The following RBFOX1 variants were observed in gnomAD, a reference collection of about 807,000 sequenced individuals.
RBFOX1 encodes the protein RNA binding protein fox-1 homolog 1.
In RBFOX1, 8 loss-of-function variants were observed where a neutral mutation model predicts 57.7. The observed-to-expected ratio is 0.14, with a 90% CI of 0.08 to 0.25. The LOEUF (loss-of-function observed/expected upper bound fraction) is 0.25, where lower values mean the gene tolerates loss of function less well. Among genes scored for constraint, RBFOX1 ranks in the 10% least tolerant of loss-of-function variants. The pLI is 1.00. For synonymous variants in RBFOX1, 326 were observed against 222.4 expected (o/e 1.47, Z -4.15); for missense variants, 611 against 548.5 (o/e 1.11, Z -1.14).
chr16:6,128,375 C>G (rs2096605227), intron 1 of RBFOX1, among the ~76,000 whole-genome samples: 1 of 152,092 alleles, frequency 6.6e-6, no homozygotes, highest in Admixed American at 6.5e-5. Context: ...CAACTGATAC[C>G]AGGTTGGTCC....
At position 6,724,370 on chromosome 16, in the gene RBFOX1, C is replaced by T. The variant is rs558856451; in HGVS notation, c.-16+69720C>T. Among the ~76,000 whole-genome samples the T allele has an allele frequency of 3.3e-5, 5 of 152,160 alleles. No individual in the cohort carries two copies. In the South Asian group the frequency reaches 8.3e-4, roughly 25 times the overall value. On this transcript the variant is annotated intron_variant, in intron 3 of 15. Transcript: ENST00000550418. The stretch of plus-strand genomic sequence containing the variant: ...GATTACAGGTGCACTCCAGCATGCC[C>T]AGCAAATTTTTATATTTTTAGTAGA...
intron 2 of RBFOX1, among the ~76,000 whole-genome samples, chr16:6,593,825 A>G (rs1349767368): frequency 6.6e-6 from 1 of 152,160 alleles, no homozygotes. Context: ...AGGACTACGG[A>G]TATGGCAATA....
intron 2 of RBFOX1, among the ~76,000 whole-genome samples, chr16:6,324,493 G>C (rs769048718): frequency 2.0e-5 from 3 of 152,154 alleles, no homozygotes; most frequent in Non-Finnish European, 4.4e-5. Flanking sequence ...GAAGGCAAAG[G>C]GGGAGCAGGC....
intron 14 of RBFOX1, among the ~76,000 whole-genome samples, chr16:7,690,841 G>A (rs1214765965): frequency 1.3e-5 from 2 of 152,060 alleles, no homozygotes; most frequent in African/African-American, 4.8e-5. Flanking sequence ...TACATAAAAT[G>A]GCATAACATG....
intron 4 of RBFOX1, among the ~76,000 whole-genome samples, chr16:7,223,874 T>G (rs966601258): frequency 1.3e-5 from 2 of 151,832 alleles, no homozygotes; most frequent in Admixed American, 1.3e-4. Context: ...ATAAATCTGT[T>G]ATGGCTGGTT....
chr16:7,181,273 C>G (rs576956691), intron 4 of RBFOX1, among the ~76,000 whole-genome samples: 6 of 152,210 alleles, frequency 3.9e-5, no homozygotes, highest in Admixed American at 3.9e-4. Flanking sequence ...GAAGGAGTAC[C>G]AGAACTGAAT....
At chr16:6,736,691 G>A (rs551961514) in intron 3 of RBFOX1, among the ~76,000 whole-genome samples, 57 of 152,306 alleles carry the variant, frequency 3.7e-4, no homozygotes, top group Middle Eastern at 3.4e-3. Flanking sequence ...GGGATTGCTG[G>A]ATCAAATGGT....
intron 5 of RBFOX1, among the ~76,000 whole-genome samples, chr16:7,545,693 T>C (rs1049607269): frequency 2.6e-5 from 4 of 152,126 alleles, no homozygotes; most frequent in Non-Finnish European, 5.9e-5. Context: ...TGACTTGATT[T>C]ACCTAAGGCT....
At chr16:6,386,588 A>T (rs1484924784) in intron 2 of RBFOX1, among the ~76,000 whole-genome samples, 1 of 152,236 alleles carries the variant, frequency 6.6e-6, no homozygotes, top group African/African-American at 2.4e-5. Flanking sequence ...AAATAAATAA[A>T]GCCATCACAG....
intron 3 of RBFOX1, among the ~76,000 whole-genome samples, chr16:6,975,926 G>T (rs543287850): frequency 2.5e-4 from 38 of 152,200 alleles, no homozygotes; most frequent in South Asian, 1.9e-3. Flanking sequence ...AGGAGTTCCA[G>T]ATCATGCTGG....
In RBFOX1 at chr16:7,061,488, A is replaced by G. The variant is rs374139511; in HGVS notation, c.27+9390A>G. Among the ~76,000 whole-genome samples, 11 of 152,298 alleles carry G rather than the reference A, an allele frequency of 7.2e-5. No homozygotes were observed. The East Asian group carries it at 1.4e-3, about 19-fold the overall frequency. The stretch of plus-strand genomic sequence containing the variant: ...AGGTGTCCACTTTTCTTCATTTTTG[A>G]TGCTGAATCTTATAATTCACATATA... On this transcript the variant is annotated intron_variant, in intron 4 of 15. Coordinates refer to ENST00000550418, the MANE Select transcript of RBFOX1 (RefSeq NM_018723.4).
intron 3 of RBFOX1, among the ~76,000 whole-genome samples, chr16:5,828,490 T>C (rs567594924): frequency 6.6e-6 from 1 of 151,960 alleles, no homozygotes; most frequent in Non-Finnish European, 1.5e-5. Context: ...GCGAGGTCAA[T>C]AGATCAAGAC....
chr16:7,070,445 A>T (rs2057095259), intron 4 of RBFOX1, among the ~76,000 whole-genome samples: 2 of 152,074 alleles, frequency 1.3e-5, no homozygotes, highest in Non-Finnish European at 2.9e-5. Flanking sequence ...AGATTTAAAT[A>T]TTTTTGGCAA....
chr16:6,055,811 A>G (rs553784836), intron 1 of RBFOX1, among the ~76,000 whole-genome samples: 4 of 152,302 alleles, frequency 2.6e-5, no homozygotes, highest in African/African-American at 4.8e-5. Flanking sequence ...TTAGTTTATT[A>G]TAGAACACTT....
At chr16:7,539,433 T>C (rs1004710639) in intron 5 of RBFOX1, among the ~76,000 whole-genome samples, 12 of 152,162 alleles carry the variant, frequency 7.9e-5, no homozygotes, top group African/African-American at 2.9e-4. Context: ...AATAGGAGTC[T>C]CTTCTTGTAG....
chr16:6,364,018 T>G (rs1057442579), intron 2 of RBFOX1, among the ~76,000 whole-genome samples: 3 of 152,180 alleles, frequency 2.0e-5, no homozygotes, highest in Non-Finnish European at 4.4e-5. Context: ...CTTCTCCGTG[T>G]TTTCAATGGA....
At chr16:7,418,579 A>G (rs538133972) in intron 4 of RBFOX1, among the ~76,000 whole-genome samples, 140 of 152,334 alleles carry the variant, frequency 9.2e-4, no homozygotes, top group Non-Finnish European at 1.5e-3. Context: ...GACATTGGGT[A>G]TGAAAGACCC....
At chr16:6,872,228 T>C (rs1603634908) in intron 3 of RBFOX1, among the ~76,000 whole-genome samples, 1 of 152,162 alleles carries the variant, frequency 6.6e-6, no homozygotes, top group East Asian at 1.9e-4. Context: ...CAGCACATAG[T>C]AGAGATTTAA....
intron 4 of RBFOX1, among the ~76,000 whole-genome samples, chr16:7,422,144 G>C (rs1236912582): frequency 6.6e-6 from 1 of 152,192 alleles, no homozygotes; most frequent in Non-Finnish European, 1.5e-5. Context: ...ATTTCTGTGT[G>C]TATGTTTGTG....
Sources: gnomAD v4.1 joint callset for allele counts (sites outside exome capture counted in the v4.1 genomes callset) on GRCh38, gnomAD v4.1.1 for gene constraint, MANE v1.5 for transcripts, NCBI Gene and HGNC (gene_info 2026-07-23, HGNC 2026-07-21) for gene names.